Variants in NWD2 observed in about 807,000 individuals in gnomAD.
NWD2 encodes NACHT and WD repeat domain containing 2, also known as NACHT and WD repeat domain-containing protein 2.
Under a neutral mutation model 132.7 loss-of-function variants are expected in NWD2, and 37 were observed. The observed-to-expected ratio is 0.28, with a 90% confidence interval of 0.21 to 0.37. NWD2 has a LOEUF of 0.37. Ranked by LOEUF, NWD2 falls within the 10% of genes least tolerant of loss-of-function variation. The pLI, the probability that NWD2 is intolerant of heterozygous loss-of-function variation, is 1.00. For synonymous variants in NWD2, 705 were observed against 803.0 expected, an observed-to-expected ratio of 0.88 and a Z score of 2.06; for missense variants, 1,592 against 2,122.4, an observed-to-expected ratio of 0.75 and a Z score of 4.91.
chr4:37,409,258 T>G (rs555207320), intron 3 of NWD2, among the ~76,000 whole-genome samples: 9 of 151,792 alleles, frequency 5.9e-5, no homozygotes, highest in African/African-American at 1.9e-4. Flanking sequence ...GCTAAAAACC[T>G]TGAAAAAAGG....
intron 1 of NWD2, among the ~76,000 whole-genome samples, chr4:37,283,487 A>G (rs185993757): frequency 4.1e-4 from 62 of 152,342 alleles, no homozygotes; most frequent in African/African-American, 1.3e-3. Flanking sequence ...TCAATAAATT[A>G]TAAATGTACA....
In NWD2 at chr4:37,439,250, T is replaced by C. The variant is rs1279095260; in HGVS notation, c.1156T>C (p.Phe386Leu). The C allele has an allele frequency of 6.4e-7, 1 of 1,551,318 alleles. No homozygotes were observed. Among genetic ancestry groups the C allele is most frequent in the Non-Finnish European group, 8.7e-7 (1 of 1,146,886 alleles). Residue 386 changes from phenylalanine to leucine, a missense_variant, in exon 6 of 7, where the codon TTC becomes CTC. Physicochemically the swap from Phe to Leu is conservative, Grantham distance 22. Around this residue, in one of 7 missense-constraint regions of NWD2, gnomAD observed 1,071 missense variants for 1,398.0 expected, o/e 0.77. Transcript: ENST00000309447. This position sits in a 1 kb window ranked among gnomAD's most constrained non-coding sequence, Gnocchi z 4.5. The stretch of plus-strand genomic sequence containing the variant: ...ATCATTATGTAAAACATACGCCTCC[T>C]TCTATGAGTACAAATGTGAATCTCT... ...HSSLCKTYAS[F>L]YEYKCESLNI... is the part of the protein sequence containing the mutation.
chr4:37,405,770 C>G (rs572255896), intron 3 of NWD2, among the ~76,000 whole-genome samples: 1 of 152,302 alleles, frequency 6.6e-6, no homozygotes, highest in East Asian at 1.9e-4. Flanking sequence ...AGTGCTCTGA[C>G]ATAGGTTATC....
chr4:37,316,341 A>T (rs2109283492), intron 1 of NWD2, among the ~76,000 whole-genome samples: 1 of 152,152 alleles, frequency 6.6e-6, no homozygotes, highest in African/African-American at 2.4e-5. Context: ...TTCTGATGAG[A>T]AGTCAGCTAT....
chr4:37,432,400 G>A (rs1465334210), intron 4 of NWD2, among the ~76,000 whole-genome samples: 4 of 149,704 alleles, frequency 2.7e-5, no homozygotes, highest in Admixed American at 1.3e-4. Context: ...AATTGATCAC[G>A]TGAAACTGAT....
intron 1 of NWD2, among the ~76,000 whole-genome samples, chr4:37,283,863 A>T (rs1016138522): frequency 4.6e-5 from 7 of 152,192 alleles, no homozygotes; most frequent in Non-Finnish European, 8.8e-5. Context: ...GATTCTGAGG[A>T]ATGCTTCCTA....
chr4:37,257,153 T>C (rs1322142095), intron 1 of NWD2, among the ~76,000 whole-genome samples: 1 of 152,138 alleles, frequency 6.6e-6, no homozygotes, highest in African/African-American at 2.4e-5. Flanking sequence ...ATGAGCCATC[T>C]TGGAGGTAGA....
intron 2 of NWD2, among the ~76,000 whole-genome samples, chr4:37,344,385 G>A (rs925613162): frequency 6.6e-6 from 1 of 151,982 alleles, no homozygotes; most frequent in African/African-American, 2.4e-5. Flanking sequence ...ATATGGGAAA[G>A]AACAATTTAA....
intron 1 of NWD2, among the ~76,000 whole-genome samples, chr4:37,273,638 GCAC>G (rs1283049725): frequency 1.3e-5 from 2 of 152,048 alleles, no homozygotes. Flanking sequence ...ATTCTTCTCA[GCAC>G]CACATCGCAC....
intron 3 of NWD2, among the ~76,000 whole-genome samples, chr4:37,409,127 AG>A (rs1424993762): frequency 2.0e-5 from 3 of 152,136 alleles, no homozygotes; most frequent in Non-Finnish European, 4.4e-5. Context: ...ACTCCTTGCC[AG>A]CAAGGGAACA....
At chr4:37,338,416 C>T (rs1309535994) in intron 2 of NWD2, among the ~76,000 whole-genome samples, 1 of 152,150 alleles carries the variant, frequency 6.6e-6, no homozygotes. Context: ...TTGAGAGGCT[C>T]GGCATCTTGA....
At chr4:37,409,528 TGTGATTG>T (rs1329468789) in intron 3 of NWD2, among the ~76,000 whole-genome samples, 12 of 152,176 alleles carry the variant, frequency 7.9e-5, no homozygotes, top group African/African-American at 2.6e-4. Context: ...CAAATCTACG[TGTGATTG>T]GTGTACCTGA....
intron 2 of NWD2, among the ~76,000 whole-genome samples, chr4:37,327,884 A>T (rs1207893452): frequency 6.6e-6 from 1 of 152,074 alleles, no homozygotes; most frequent in Non-Finnish European, 1.5e-5. Context: ...CTGAACCCAG[A>T]ACATATGGTT....
intron 3 of NWD2, among the ~76,000 whole-genome samples, chr4:37,369,101 T>C (rs1437371701): frequency 4.6e-5 from 7 of 152,132 alleles, no homozygotes; most frequent in Admixed American, 2.0e-4. Flanking sequence ...GCCCAGATTA[T>C]TAGCTCTTCC....
chr4:37,427,658 G>C (rs1712042938), intron 3 of NWD2, among the ~76,000 whole-genome samples: 1 of 152,162 alleles, frequency 6.6e-6, no homozygotes, highest in Admixed American at 6.5e-5. Flanking sequence ...CCCTTCTAAA[G>C]GGACTTTTGC....
intron 1 of NWD2, among the ~76,000 whole-genome samples, chr4:37,304,135 G>A (rs774643373): frequency 3.3e-5 from 5 of 152,198 alleles, no homozygotes; most frequent in Admixed American, 6.5e-5. Flanking sequence ...AAAACTTACA[G>A]TCATGGTGGA....
intron 1 of NWD2, among the ~76,000 whole-genome samples, chr4:37,296,591 T>C (rs183976936): frequency 1.3e-5 from 2 of 151,702 alleles, no homozygotes; most frequent in Non-Finnish European, 2.9e-5. Flanking sequence ...AACACAGGAG[T>C]AGAAACCCAA....
At chr4:37,369,634 G>A (rs1396290502) in intron 3 of NWD2, among the ~76,000 whole-genome samples, 1 of 152,122 alleles carries the variant, frequency 6.6e-6, no homozygotes, top group Non-Finnish European at 1.5e-5. Context: ...CCCTGTATTG[G>A]TTTTCACTCT....
intron 3 of NWD2, among the ~76,000 whole-genome samples, chr4:37,363,967 A>C (rs1720034643): frequency 3.5e-5 from 1 of 28,762 alleles, no homozygotes; most frequent in Admixed American, 5.8e-4. Flanking sequence ...TACTAAAAAT[A>C]CAAAAAAAAA....
Sources: allele counts gnomAD v4.1 joint callset (sites outside exome capture counted in the v4.1 genomes callset), GRCh38; gene constraint gnomAD v4.1.1; regional missense constraint gnomAD v4.1.1; non-coding constraint Gnocchi (gnomAD v3.1); transcripts MANE v1.5; gene names NCBI Gene and HGNC (gene_info 2026-07-23, HGNC 2026-07-21).